TAOK1: variants seen among roughly 807,000 people sequenced by gnomAD.
TAOK1 encodes the protein TAO kinase 1.
In TAOK1, 21 loss-of-function variants were observed where a neutral mutation model predicts 138.3. That is an observed-to-expected ratio of 0.15 (90% confidence interval 0.11 to 0.22). The LOEUF is 0.22. Ranked by LOEUF, TAOK1 falls within the 10% of genes least tolerant of loss-of-function variation. The pLI is 1.00. For missense variants in TAOK1, 651 were observed against 1,227.7 expected, an observed-to-expected ratio of 0.53 and a Z score of 7.02; for synonymous variants, 361 against 398.4, an observed-to-expected ratio of 0.91 and a Z score of 1.12.
chr17:29,493,116 G>A (rs1598505406), intron 10 of TAOK1, among the ~76,000 whole-genome samples: 1 of 152,014 alleles, frequency 6.6e-6, no homozygotes, highest in East Asian at 1.9e-4. Flanking sequence ...CTCTAGCCTG[G>A]GCGATAGAGT....
chr17:29,505,463 AG>A lies in TAOK1; in HGVS notation c.1339-2431del, dbSNP rs540342113. 6.0e-3 allele frequency among the ~76,000 whole-genome samples: 919 copies of A among 152,288 alleles called. 7 individuals are homozygous for A. The highest frequency in any genetic ancestry group is 0.011 in the Non-Finnish European group (734 of 68,010). On this transcript the variant is annotated intron_variant, in intron 13 of 19. Coordinates refer to ENST00000261716, the MANE Select transcript of TAOK1 (RefSeq NM_020791.4). The stretch of plus-strand genomic sequence containing the variant: ...ACAGCTCTAATCCCAGCACTTTGCG[AG>A]GCCAAGGCAGGCAGATCACTTGAGG...
At position 29,415,697 on chromosome 17, in the gene TAOK1, A is replaced by G. The variant is rs190126624; in HGVS notation, c.-95+24673A>G. Among the ~76,000 whole-genome samples, 446 of 152,332 alleles carry G rather than the reference A, an allele frequency of 2.9e-3. 1 individual carries two copies. Among genetic ancestry groups the G allele is most frequent in the Admixed American group, 8.6e-3 (132 of 15,292 alleles). On this transcript the variant is annotated intron_variant, in intron 1 of 19. Transcript: ENST00000261716. ...AAAGAGGTCTGCTTCAGTTAGCAAGAAAAGTCTTTGAAGATGTAAAGTATT... is the reference window on the plus strand; with the variant it reads ...AAAGAGGTCTGCTTCAGTTAGCAAGGAAAGTCTTTGAAGATGTAAAGTATT...
chr17:29,425,859 A>T (rs1905619809), intron 1 of TAOK1, among the ~76,000 whole-genome samples: 1 of 152,080 alleles, frequency 6.6e-6, no homozygotes, highest in Admixed American at 6.6e-5. Flanking sequence ...CATAAGAATG[A>T]ATCAGGTTTT....
chr17:29,396,852 C>T (rs1486116417), intron 1 of TAOK1, among the ~76,000 whole-genome samples: 1 of 151,668 alleles, frequency 6.6e-6, no homozygotes, highest in Admixed American at 6.6e-5. Flanking sequence ...ATTAGCTGGG[C>T]GTGGTGGCGT....
intron 15 of TAOK1, 94 bp from the exon 16 acceptor site, chr17:29,517,359 A>T: frequency 8.4e-7 from 1 of 1,187,206 alleles, no homozygotes; most frequent in Admixed American, 2.1e-5. Flanking sequence ...ACCTCAGGTG[A>T]TCTGCCCACC....
Position 29,498,320 on chromosome 17 carries a change from A to G in TAOK1, c.1002A>G (p.Glu334=). Residue 334 remains glutamate (E), a splice_region_variant and synonymous_variant, in exon 12 of 20, where the codon GAA becomes GAG. Coordinates refer to ENST00000261716, the MANE Select transcript of TAOK1 (RefSeq NM_020791.4). ...AACTGAATGTCCTTTTCTCTTAGGA[A>G]CAAGATCATGGTGTTGGCCGGACAG... ...PAVEAQEEEE[E]QDHGVGRTGT... 1 of 1,614,160 alleles carries G rather than the reference A, an allele frequency of 6.2e-7. No homozygotes were observed. The highest frequency in any genetic ancestry group is 8.5e-7 in the Non-Finnish European group (1 of 1,180,006).
chr17:29,441,704 T>A (rs1002296681), intron 1 of TAOK1, among the ~76,000 whole-genome samples: 2 of 152,032 alleles, frequency 1.3e-5, no homozygotes, highest in African/African-American at 4.8e-5. Context: ...ATCGAGACCA[T>A]CCTGGCCAAC....
At chr17:29,409,087 G>A (rs1905074448) in intron 1 of TAOK1, among the ~76,000 whole-genome samples, 1 of 151,948 alleles carries the variant, frequency 6.6e-6, no homozygotes, top group African/African-American at 2.4e-5. Context: ...TATACAGTAT[G>A]AAATTTTGTG....
chr17:29,465,035 G>A (rs1253071411), intron 2 of TAOK1, among the ~76,000 whole-genome samples: 1 of 150,750 alleles, frequency 6.6e-6, no homozygotes, highest in Non-Finnish European at 1.5e-5. Flanking sequence ...TGGCCAGGCT[G>A]GTCTTGAACT....
chr17:29,476,776 G>A (rs2030951368), intron 4 of TAOK1, among the ~76,000 whole-genome samples: 2 of 152,066 alleles, frequency 1.3e-5, no homozygotes, highest in African/African-American at 4.8e-5. Flanking sequence ...TGAATGCCAT[G>A]TAAATAGTTG....
intron 12 of TAOK1, among the ~76,000 whole-genome samples, chr17:29,501,828 G>A (rs2031536511): frequency 6.6e-6 from 1 of 151,658 alleles, no homozygotes; most frequent in South Asian, 2.1e-4. Flanking sequence ...CTTGAGCCCA[G>A]TAGTTCAAGA....
At chr17:29,419,283 G>C (rs374436175) in intron 1 of TAOK1, among the ~76,000 whole-genome samples, 5 of 151,500 alleles carry the variant, frequency 3.3e-5, no homozygotes, top group African/African-American at 1.2e-4. Flanking sequence ...CGCAACCTCC[G>C]CCTCCTGGGT....
chr17:29,515,835 C>CA (rs1174291860), intron 15 of TAOK1, among the ~76,000 whole-genome samples: 9 of 149,040 alleles, frequency 6.0e-5, no homozygotes, highest in Admixed American at 3.3e-4. Flanking sequence ...GACTCTGTCT[C>CA]AAAAAAAAAG....
At chr17:29,410,635 G>GTTTTTTT (rs1207404073) in intron 1 of TAOK1, among the ~76,000 whole-genome samples, 5 of 136,890 alleles carry the variant, frequency 3.7e-5, no homozygotes, top group Non-Finnish European at 7.8e-5. Context: ...TTTTTTTTTG[G>GTTTTTTT]TTTTTTTTTT....
At chr17:29,419,962 C>A (rs1480160251) in intron 1 of TAOK1, among the ~76,000 whole-genome samples, 1 of 152,050 alleles carries the variant, frequency 6.6e-6, no homozygotes, top group Admixed American at 6.6e-5. Context: ...TCACTGCAGC[C>A]TCAACCTCCC....
chr17:29,416,623 C>A (rs1905271933), intron 1 of TAOK1, among the ~76,000 whole-genome samples: 3 of 151,990 alleles, frequency 2.0e-5, no homozygotes, highest in African/African-American at 7.2e-5. Context: ...TTATTGCAAG[C>A]CGAAACTATG....
intron 1 of TAOK1, among the ~76,000 whole-genome samples, chr17:29,420,465 T>A (rs945579204): frequency 6.6e-6 from 1 of 152,174 alleles, no homozygotes; most frequent in Non-Finnish European, 1.5e-5. Flanking sequence ...ATTTCTTCCT[T>A]GCCAGTCTGA....
chr17:29,418,948 ATGT>A (rs1905343587), intron 1 of TAOK1, among the ~76,000 whole-genome samples: 1 of 17,788 alleles, frequency 5.6e-5, no homozygotes, highest in Non-Finnish European at 9.7e-5. Context: ...TTTTTTTTTT[ATGT>A]ATGTTTTAGA....
chr17:29,391,367 C>G (rs1013198484), intron 1 of TAOK1, among the ~76,000 whole-genome samples: 1 of 152,146 alleles, frequency 6.6e-6, no homozygotes, highest in African/African-American at 2.4e-5. Flanking sequence ...TGCTCCTCTT[C>G]TCCTTTGTAG....
Sources: allele counts gnomAD v4.1 joint callset (sites outside exome capture counted in the v4.1 genomes callset), GRCh38; gene constraint gnomAD v4.1.1; transcripts MANE v1.5; gene names NCBI Gene and HGNC (gene_info 2026-07-23, HGNC 2026-07-21).